The following SP100 variants were observed in gnomAD, a reference collection of about 807,000 sequenced individuals.
SP100 encodes nuclear autoantigen Sp-100.
SP100 carries 84 observed loss-of-function variants against 130.0 expected under a neutral mutation model. The ratio of observed to expected loss-of-function variants is 0.65; its 90% CI spans 0.54 to 0.77. The LOEUF (loss-of-function observed/expected upper bound fraction) is 0.77, where lower values mean the gene tolerates loss of function less well. SP100 is among the 30% of genes least tolerant of loss of function. SP100 has a pLI of 0.00. For missense variants in SP100, 978 were observed against 1,052.2 expected (o/e 0.93, Z 0.97); for synonymous variants, 331 against 351.7 (o/e 0.94, Z 0.66).
At chr2:230,468,066 G>C (rs1379589741) in intron 13 of SP100, among the ~76,000 whole-genome samples, 1 of 152,152 alleles carries the variant, frequency 6.6e-6, no homozygotes, top group East Asian at 1.9e-4. Context: ...AGATCTACTT[G>C]CATCTTTACA....
intron 2 of SP100, among the ~76,000 whole-genome samples, chr2:230,426,953 AGTT>A (rs142054486): frequency 0.019 from 2,841 of 152,216 alleles, 103 homozygotes; most frequent in African/African-American, 0.064. Flanking sequence ...AAATATTTAC[AGTT>A]GTTGTATCCT....
At chr2:230,512,018 C>A (rs1049974434) in intron 24 of SP100, among the ~76,000 whole-genome samples, 5 of 152,040 alleles carry the variant, frequency 3.3e-5, no homozygotes, top group African/African-American at 1.2e-4. Context: ...GGGTGCATGC[C>A]ACCACATCAG....
In SP100 at chr2:230,541,963, G is replaced by A; in HGVS notation, c.2475G>A (p.Gln825=). 6.2e-7 allele frequency: 1 copy of A among 1,614,114 alleles called. No individual in the cohort carries two copies. Among genetic ancestry groups the A allele is most frequent in the Non-Finnish European group, 8.5e-7 (1 of 1,179,968 alleles). The change falls in exon 28 of 29, where the codon CAG becomes CAA. Residue 825 remains glutamine, a synonymous_variant. Coordinates refer to ENST00000340126, the MANE Select transcript of SP100 (RefSeq NM_001080391.2). ...AAGTCAAGACAAGTTTGAATGAGCA[G>A]ATGTACACCCGAGTAGAAGGGTTTG... ...LNKVKTSLNE[Q]MYTRVEGFVQ... is the part of the protein sequence containing the mutation.
intron 8 of SP100, among the ~76,000 whole-genome samples, 156 bp from the exon 9 acceptor site, chr2:230,461,106 C>G (rs2064591586): frequency 6.6e-6 from 1 of 151,812 alleles, no homozygotes; most frequent in Non-Finnish European, 1.5e-5. Context: ...CCAAGAGAGG[C>G]ACAAAGGAAG....
At chr2:230,505,562 T>C (rs1575767482) in intron 21 of SP100, among the ~76,000 whole-genome samples, 1 of 152,154 alleles carries the variant, frequency 6.6e-6, no homozygotes, top group East Asian at 1.9e-4. Flanking sequence ...CTCACTGTAT[T>C]ATTATGAGAA....
chr2:230,522,779 G>A (rs1691237876), intron 24 of SP100, among the ~76,000 whole-genome samples: 1 of 151,132 alleles, frequency 6.6e-6, no homozygotes, highest in South Asian at 2.1e-4. Context: ...TGAGCCACTG[G>A]CACCCAGCCC....
intron 17 of SP100, among the ~76,000 whole-genome samples, chr2:230,485,745 CT>C (rs1559514029): frequency 6.6e-6 from 1 of 152,056 alleles, no homozygotes; most frequent in African/African-American, 2.4e-5. Flanking sequence ...TTGGGTTTTA[CT>C]TTGTAATTCA....
At chr2:230,436,600 A>C (rs1037443316) in intron 2 of SP100, among the ~76,000 whole-genome samples, 1 of 152,168 alleles carries the variant, frequency 6.6e-6, no homozygotes, top group Non-Finnish European at 1.5e-5. Flanking sequence ...ATCCAGCCAC[A>C]CTGAACTGTA....
chr2:230,488,868 A>G (rs1161955321), intron 17 of SP100, among the ~76,000 whole-genome samples: 1 of 152,208 alleles, frequency 6.6e-6, no homozygotes, highest in Non-Finnish European at 1.5e-5. Flanking sequence ...CCAGGGATGA[A>G]GCCTACTTGA....
At chr2:230,418,132 A>G (rs1379282526) in intron 2 of SP100, among the ~76,000 whole-genome samples, 2 of 152,114 alleles carry the variant, frequency 1.3e-5, no homozygotes, top group Non-Finnish European at 2.9e-5. Flanking sequence ...TTAAACAAAA[A>G]TATTCTTACA....
intron 24 of SP100, chr2:230,538,120 C>A (rs1692018023): frequency 6.6e-6 from 1 of 152,194 alleles, no homozygotes; most frequent in Non-Finnish European, 1.5e-5. Context: ...GAATCAAAAT[C>A]TCTGGTAATG....
chr2:230,459,002 G>A (rs2064436997), intron 8 of SP100, among the ~76,000 whole-genome samples: 1 of 152,094 alleles, frequency 6.6e-6, no homozygotes, highest in African/African-American at 2.4e-5. Flanking sequence ...AGCATGTAAG[G>A]AGACCTCACT....
intron 17 of SP100, among the ~76,000 whole-genome samples, chr2:230,487,035 A>G (rs2066139392): frequency 6.6e-6 from 1 of 152,072 alleles, no homozygotes; most frequent in Non-Finnish European, 1.5e-5. Context: ...TTTTTCTTGT[A>G]AATTTGTTAA....
chr2:230,474,504 T>A, intron 17 of SP100, 57 bp downstream of exon 17: 1 of 840,226 alleles, frequency 1.2e-6, no homozygotes, highest in Non-Finnish European at 2.0e-6. Context: ...TATTTTTTAA[T>A]GCTAAGGTTT....
intron 24 of SP100, among the ~76,000 whole-genome samples, chr2:230,512,634 C>T (rs1690682982): frequency 1.3e-5 from 2 of 152,034 alleles, no homozygotes; most frequent in East Asian, 3.9e-4. Context: ...TTTTTGGTGC[C>T]AGGAACCAAT....
chr2:230,499,834 T>C (rs1015837834), intron 19 of SP100, among the ~76,000 whole-genome samples: 5 of 152,130 alleles, frequency 3.3e-5, no homozygotes, highest in South Asian at 2.1e-4. Flanking sequence ...GTCCATCTCC[T>C]GCTTAGATGT....
intron 2 of SP100, among the ~76,000 whole-genome samples, chr2:230,436,725 A>G (rs1364933006): frequency 6.6e-6 from 1 of 152,134 alleles, no homozygotes; most frequent in Non-Finnish European, 1.5e-5. Context: ...GTTCTTATGA[A>G]TTTTATTAGG....
Position 230,462,505 on chromosome 2 carries a change from G to A in SP100, c.1044G>A (p.Pro348=), listed in dbSNP as rs75519436. 8,074 of 1,613,160 alleles carry A rather than the reference G, an allele frequency of 5.0e-3. 25 individuals are homozygous for A. Among genetic ancestry groups the A allele is most frequent in the Non-Finnish European group, 5.9e-3 (6,962 of 1,179,282 alleles). The change falls in exon 10 of 29, where the codon CCG becomes CCA. Residue 348 remains proline, a synonymous_variant. Coordinates refer to ENST00000340126, the MANE Select transcript of SP100 (RefSeq NM_001080391.2). ...DEPLEVFISA[P]RSEPVINNDN... ...CCTTAGAAGTCTTCATCTCAGCACC[G>A]AGAAGTGAGCCTGGTAAGGAAGTTT...
intron 8 of SP100, among the ~76,000 whole-genome samples, chr2:230,457,966 T>C (rs2064369763): frequency 1.3e-5 from 2 of 152,166 alleles, no homozygotes; most frequent in Non-Finnish European, 2.9e-5. Flanking sequence ...TTAACAGGTA[T>C]GAGATGGAAG....
Sources: allele counts gnomAD v4.1 joint callset (sites outside exome capture counted in the v4.1 genomes callset), GRCh38; gene constraint gnomAD v4.1.1; transcripts MANE v1.5; gene names NCBI Gene and HGNC (gene_info 2026-07-23, HGNC 2026-07-21).